ASPRV1: variants seen among roughly 807,000 people sequenced by gnomAD.
The protein encoded by ASPRV1 is retroviral-like aspartic protease 1.
Under a neutral mutation model 11.0 loss-of-function variants are expected in ASPRV1, and 7 were observed. That is an observed-to-expected ratio of 0.64 (90% CI 0.36 to 1.20). The LOEUF (loss-of-function observed/expected upper bound fraction) is 1.20. Among genes scored for constraint, ASPRV1 ranks in the 50% most tolerant of loss-of-function variants. The pLI is 0.02. For missense variants in ASPRV1, 299 were observed against 320.0 expected, an observed-to-expected ratio of 0.93 and a Z score of 0.50; for synonymous variants, 136 against 138.4, an observed-to-expected ratio of 0.98 and a Z score of 0.12.
At chr2:69,993,509 T>C in the ASPRV1 span, 1 of 152,136 alleles carries the variant, frequency 6.6e-6, no homozygotes, top group Non-Finnish European at 1.5e-5. Context: ...GAACCTGAGA[T>C]CACAGTGACC....
the ASPRV1 span, among the ~76,000 whole-genome samples, chr2:70,047,208 G>C: frequency 2.0e-5 from 3 of 152,146 alleles, no homozygotes; most frequent in African/African-American, 7.2e-5. Flanking sequence ...TAGTGAGAGT[G>C]GGTAAGAACA....
At chr2:70,072,299 T>A in the ASPRV1 span, among the ~76,000 whole-genome samples, 1 of 151,990 alleles carries the variant, frequency 6.6e-6, no homozygotes, top group East Asian at 1.9e-4. Flanking sequence ...CACACAGTAG[T>A]CCCAGCTACT....
chr2:70,066,133 T>C, the ASPRV1 span, among the ~76,000 whole-genome samples: 1 of 151,774 alleles, frequency 6.6e-6, no homozygotes, highest in Non-Finnish European at 1.5e-5. Context: ...CGCTTGAAAC[T>C]GGGAGGCAGA....
chr2:70,067,837 C>T, the ASPRV1 span, among the ~76,000 whole-genome samples: 1 of 152,018 alleles, frequency 6.6e-6, no homozygotes, highest in Non-Finnish European at 1.5e-5. Flanking sequence ...ATATGATCTA[C>T]AATGTTTTGG....
the ASPRV1 span, among the ~76,000 whole-genome samples, chr2:70,034,335 G>A: frequency 1.1e-4 from 16 of 151,568 alleles, no homozygotes; most frequent in African/African-American, 2.4e-4. Context: ...TTGGGAGGCC[G>A]AGGCGGGCAG....
chr2:70,008,956 C>T, the ASPRV1 span, among the ~76,000 whole-genome samples: 1 of 152,154 alleles, frequency 6.6e-6, no homozygotes, highest in African/African-American at 2.4e-5. Flanking sequence ...GCCCTAAATG[C>T]TTAAGCTTTC....
chr2:70,024,721 T>C, the ASPRV1 span, among the ~76,000 whole-genome samples: 34,710 of 152,048 alleles, frequency 0.23, 7,032 homozygotes, highest in African/African-American at 0.51. Flanking sequence ...CTGGTGTCAT[T>C]GGGTGCCACA....
the ASPRV1 span, chr2:69,935,274 T>C: frequency 5.8e-6 from 6 of 1,037,138 alleles, no homozygotes; most frequent in Non-Finnish European, 7.5e-6. Context: ...TTCACACTCT[T>C]TGAGAACTCA....
the ASPRV1 span, among the ~76,000 whole-genome samples, chr2:69,950,481 A>G: frequency 2.6e-4 from 39 of 152,256 alleles, no homozygotes; most frequent in African/African-American, 2.4e-5. Context: ...TGGTTGCAGT[A>G]CATTCCTTTT....
the ASPRV1 span, among the ~76,000 whole-genome samples, chr2:70,006,422 C>T: frequency 6.6e-6 from 1 of 152,158 alleles, no homozygotes; most frequent in Non-Finnish European, 1.5e-5. Flanking sequence ...TGTAAATCTT[C>T]CCTCTTGCAG....
the ASPRV1 span, chr2:70,083,826 T>C: frequency 6.6e-6 from 1 of 152,206 alleles, no homozygotes; most frequent in Admixed American, 6.5e-5. Flanking sequence ...AGAGATCATT[T>C]AATCTCTTGC....
chr2:69,978,361 C>T, the ASPRV1 span, among the ~76,000 whole-genome samples: 1 of 152,186 alleles, frequency 6.6e-6, no homozygotes, highest in Non-Finnish European at 1.5e-5. Context: ...AGAGGGGACA[C>T]AACCCGGAGG....
the ASPRV1 span, among the ~76,000 whole-genome samples, chr2:70,039,799 AACCTTT>A: frequency 6.6e-6 from 1 of 152,236 alleles, no homozygotes; most frequent in African/African-American, 2.4e-5. Flanking sequence ...ATCTCAGCTT[AACCTTT>A]AATTGTTCTT....
At chr2:69,935,291 C>T in the ASPRV1 span, 6 of 1,213,436 alleles carry the variant, frequency 4.9e-6, no homozygotes, top group Non-Finnish European at 7.3e-6. Flanking sequence ...CTCATTCTGC[C>T]TGGGGTGCTT....
At chr2:69,958,770 T>G (rs1174977228), downstream of ASPRV1, among the ~76,000 whole-genome samples, 1 of 152,044 alleles carries the variant, frequency 6.6e-6, no homozygotes, top group Non-Finnish European at 1.5e-5. Flanking sequence ...GGATGCAGGA[T>G]CTGGGAGTCA....
the ASPRV1 span, among the ~76,000 whole-genome samples, chr2:70,013,069 G>A: frequency 2.6e-5 from 4 of 152,166 alleles, no homozygotes; most frequent in Admixed American, 6.5e-5. Context: ...TGAAATCAGT[G>A]GTAACACTGA....
At chr2:69,935,263 C>T in the ASPRV1 span, 2 of 929,294 alleles carry the variant, frequency 2.2e-6, no homozygotes, top group Non-Finnish European at 1.7e-6. Flanking sequence ...GCCTGGGCAA[C>T]TTCACACTCT....
chr2:69,960,594 AAC>A lies in ASPRV1; in HGVS notation c.*61_*62del. On this transcript the variant is annotated 3_prime_UTR_variant, in exon 1 of 1. Coordinates refer to ENST00000320256, the MANE Select transcript of ASPRV1 (RefSeq NM_152792.4). ...CCCAGTGACCCCCATGAGGATATGC[AAC>A]CCCCCCCACAGCGGTGGGTCTTCCC... 8 of 1,470,622 alleles carry A rather than the reference AAC, an allele frequency of 5.4e-6. No individual in the cohort carries two copies. In the South Asian group the frequency reaches 7.8e-5, roughly 14 times the overall value. 91.1% of individuals were successfully genotyped at this position (1,470,622 alleles called of 1,614,324 possible). A position where few individuals can be genotyped will look rare whatever the true frequency, so the allele number is the denominator to read the frequency against.
At chr2:70,032,973 T>C in the ASPRV1 span, among the ~76,000 whole-genome samples, 48 of 152,258 alleles carry the variant, frequency 3.2e-4, no homozygotes, top group Admixed American at 2.5e-3. Flanking sequence ...TGTTAAACAC[T>C]GTATGAGTTA....
Sources: gnomAD v4.1 joint callset for allele counts (sites outside exome capture counted in the v4.1 genomes callset) on GRCh38, gnomAD v4.1.1 for gene constraint, MANE v1.5 for transcripts, NCBI Gene and HGNC (gene_info 2026-07-23, HGNC 2026-07-21) for gene names.